Variants in HNRNPK observed in about 807,000 individuals in gnomAD.
The protein encoded by HNRNPK is heterogeneous nuclear ribonucleoprotein K.
A neutral mutation model predicts 67.0 loss-of-function variants in HNRNPK; 7 were observed. The observed-to-expected ratio is 0.10, with a 90% confidence interval of 0.06 to 0.20. HNRNPK has a LOEUF of 0.20. HNRNPK is among the 10% of genes least tolerant of loss of function. The probability of loss-of-function intolerance (pLI) is 1.00; values close to 1 mark genes in which losing one functional copy is unlikely to be tolerated. For missense variants in HNRNPK, 264 were observed against 606.5 expected (o/e 0.44, Z 5.93); for synonymous variants, 213 against 193.7 (o/e 1.10, Z -0.83).
chr9:83,974,669 C>A (rs1434174017), intron 6 of HNRNPK, 80 bp from the exon 7 acceptor site: 6 of 863,930 alleles, frequency 6.9e-6, no homozygotes, highest in Non-Finnish European at 1.1e-5. Flanking sequence ...CCAAATCATA[C>A]AAACTTTCAC....
At chr9:83,972,759 G>C in intron 10 of HNRNPK, 85 bp downstream of exon 10, 1 of 992,516 alleles carries the variant, frequency 1.0e-6, no homozygotes, top group Non-Finnish European at 1.5e-6. Flanking sequence ...AAGACTATTA[G>C]ACTAAATGCT....
rs1957115315 is a variant in HNRNPK, at chr9:83,977,327, A to G, written c.157-276T>C. Among the ~76,000 whole-genome samples the G allele has an allele frequency of 2.0e-5, 3 of 152,238 alleles. No homozygotes were observed. The South Asian group carries it at 6.2e-4, about 31-fold the overall frequency. On this transcript the variant is annotated intron_variant, in intron 4 of 16. Coordinates refer to ENST00000376263, the MANE Select transcript of HNRNPK (RefSeq NM_031263.4). ...AGATTTTATAGCACCCTTTGGTAAA[A>G]TAAGTCAATTAATTTAGTATTAGTA...
At chr9:83,978,166 A>T (rs757851001) in intron 3 of HNRNPK, 29 bp downstream of exon 3, 2 of 1,433,278 alleles carry the variant, frequency 1.4e-6, no homozygotes, top group Admixed American at 1.7e-5. Flanking sequence ...GGATAAAAAA[A>T]TACTGTTAAA....
rs536302815 is a variant in HNRNPK at position 83,969,037 on chromosome 9, C to T, written c.*370G>A. ...GTTACTTTTCCTCCCTGTCCCACCCCCCAAATGTTACAGTGACCACAAAGC... is the reference window on the plus strand; with the variant it reads ...GTTACTTTTCCTCCCTGTCCCACCCTCCAAATGTTACAGTGACCACAAAGC... On this transcript the variant is annotated 3_prime_UTR_variant, in exon 17 of 17. Transcript: ENST00000376263. The T allele has an allele frequency of 7.7e-6, 3 of 389,356 alleles. No homozygotes were observed. In the East Asian group the frequency reaches 1.3e-4, roughly 18 times the overall value. The allele number at this position is 389,356 out of a possible 1,614,324, so 24.1% of individuals were successfully genotyped here. A position where few individuals can be genotyped will look rare whatever the true frequency, so the allele number is the denominator to read the frequency against.
At chr9:83,977,464 T>C (rs1461104234) in intron 4 of HNRNPK, among the ~76,000 whole-genome samples, 1 of 152,104 alleles carries the variant, frequency 6.6e-6, no homozygotes, top group Non-Finnish European at 1.5e-5. Flanking sequence ...AGAATCACAC[T>C]CTCCTCCTAG....
At chr9:83,973,446 C>G in intron 8 of HNRNPK, 47 bp from the exon 9 acceptor site, 1 of 988,968 alleles carries the variant, frequency 1.0e-6, no homozygotes, top group Non-Finnish European at 1.6e-6. Flanking sequence ...CAACAATTCC[C>G]CAATACACAC....
chr9:83,973,445 C>T (rs1956945110), intron 8 of HNRNPK, 46 bp from the exon 9 acceptor site: 1 of 1,011,488 alleles, frequency 9.9e-7, no homozygotes. Context: ...TCAACAATTC[C>T]CCAATACACA....
chr9:83,969,555 G>A (rs889735549), intron 16 of HNRNPK, 115 bp from the exon 17 acceptor site: 8 of 725,282 alleles, frequency 1.1e-5, no homozygotes, highest in Non-Finnish European at 1.9e-5. Context: ...ATTACAATTA[G>A]AAGAGTTCAA....
rs566501427 is a variant in HNRNPK at position 83,968,125 on chromosome 9, C to T, written c.*1282G>A. ...TTTCCTTTTAAGAGGAACGTTTCAA[C>T]AAATTTTACAGGTGTCAATCAACCC... On this transcript the variant is annotated 3_prime_UTR_variant, in exon 17 of 17. Coordinates refer to ENST00000376263, the MANE Select transcript of HNRNPK (RefSeq NM_031263.4). 18 of 152,696 alleles carry T rather than the reference C, an allele frequency of 1.2e-4. No individual in the cohort carries two copies. The highest frequency in any genetic ancestry group is 4.3e-4 in the African/African-American group (18 of 41,570). The allele number at this position is 152,696 out of a possible 1,614,324, so 9.5% of individuals were successfully genotyped here. A position where few individuals can be genotyped will look rare whatever the true frequency, so the allele number is the denominator to read the frequency against.
At chr9:83,972,808 T>C in intron 10 of HNRNPK, 36 bp downstream of exon 10, 4 of 1,519,538 alleles carry the variant, frequency 2.6e-6, no homozygotes, top group Non-Finnish European at 2.7e-6. Flanking sequence ...CTTTGTTTCA[T>C]AAAATCAAAT....
intron 6 of HNRNPK, 89 bp downstream of exon 6, chr9:83,975,373 G>A: frequency 8.9e-7 from 1 of 1,128,058 alleles, no homozygotes; most frequent in Non-Finnish European, 1.3e-6. Flanking sequence ...CGTCTAAAGG[G>A]GATACTATTT....
chr9:83,978,226 G>C lies in HNRNPK; in HGVS notation c.27C>G (p.Thr9=), dbSNP rs1489549181. ...CACCATTGGTTTCAGTGTTAGGGAA[G>C]GTTTCTTCTGGCTGTTCAGTTTCCA... METEQPEE[T]FPNTETNGEF... Residue 9 remains threonine (T), a synonymous_variant, in exon 3 of 17, where the codon ACC becomes ACG. Coordinates refer to ENST00000376263, the MANE Select transcript of HNRNPK (RefSeq NM_031263.4). 3 of 1,611,434 alleles carry C rather than the reference G, an allele frequency of 1.9e-6. No individual in the cohort carries two copies. In the African/African-American group the frequency reaches 4.0e-5, roughly 22 times the overall value.
intron 11 of HNRNPK, 50 bp downstream of exon 11, chr9:83,971,832 A>T (rs374880540): frequency 1.8e-5 from 28 of 1,570,676 alleles, no homozygotes; most frequent in Non-Finnish European, 2.2e-5. Flanking sequence ...CAGGTTAATA[A>T]TTCATAGATG....
intron 16 of HNRNPK, chr9:83,969,870 A>G (rs771708322): frequency 8.2e-6 from 5 of 608,724 alleles, no homozygotes; most frequent in South Asian, 5.9e-5. Context: ...AATCTTCTAT[A>G]TTTTCTACAG....
chr9:83,969,563 C>A, intron 16 of HNRNPK, 123 bp from the exon 17 acceptor site: 2 of 697,198 alleles, frequency 2.9e-6, no homozygotes, highest in East Asian at 2.5e-5. Flanking sequence ...TAGAAGAGTT[C>A]AAAAACCATT....
chr9:83,975,821 TAACAC>T (rs1957042024), intron 5 of HNRNPK: 1 of 372,958 alleles, frequency 2.7e-6, no homozygotes, highest in Non-Finnish European at 5.0e-6. Flanking sequence ...TTCTGAAGAC[TAACAC>T]AATAATGGAC....
intron 1 of HNRNPK, among the ~76,000 whole-genome samples, chr9:83,979,593 C>T (rs900696334): frequency 6.6e-6 from 1 of 152,178 alleles, no homozygotes; most frequent in African/African-American, 2.4e-5. Flanking sequence ...ACAGCAGAAG[C>T]ACCGCACCTC....
At chr9:83,980,459 C>G (rs1054870522), upstream of HNRNPK, 2 of 152,778 alleles carry the variant, frequency 1.3e-5, no homozygotes, top group Admixed American at 6.5e-5. Flanking sequence ...AGCCCCAACC[C>G]TTACCCGAAT....
At chr9:83,970,484 G>T in intron 15 of HNRNPK, 153 bp from the exon 16 acceptor site, 1 of 679,936 alleles carries the variant, frequency 1.5e-6, no homozygotes, top group Non-Finnish European at 2.5e-6. Flanking sequence ...GAGTTATAAT[G>T]TATTTATGTC....
Sources: allele counts gnomAD v4.1 joint callset (sites outside exome capture counted in the v4.1 genomes callset), GRCh38; gene constraint gnomAD v4.1.1; transcripts MANE v1.5; gene names NCBI Gene and HGNC (gene_info 2026-07-23, HGNC 2026-07-21).